Variants in RIF1 observed in about 807,000 individuals in gnomAD.
The protein encoded by RIF1 is telomere-associated protein RIF1.
In RIF1, 45 loss-of-function variants were observed where a neutral mutation model predicts 247.1. That is an observed-to-expected ratio of 0.18 (90% CI 0.14 to 0.23). The LOEUF is 0.23. RIF1 is among the 10% of genes least tolerant of loss of function. The probability of loss-of-function intolerance (pLI) is 1.00; values close to 1 mark genes in which losing one functional copy is unlikely to be tolerated. For missense variants in RIF1, 2,967 were observed against 2,862.5 expected (o/e 1.04, Z -0.83); for synonymous variants, 1,087 against 978.8 (o/e 1.11, Z -2.06).
At chr2:151,517,276 C>T in the RIF1 span, among the ~76,000 whole-genome samples, 6 of 152,280 alleles carry the variant, frequency 3.9e-5, no homozygotes, top group African/African-American at 1.2e-4. Context: ...GAAAAACAGG[C>T]GAAGACCCTC....
chr2:151,430,973 A>C (rs1174819101), intron 9 of RIF1, among the ~76,000 whole-genome samples: 1 of 152,184 alleles, frequency 6.6e-6, no homozygotes, highest in African/African-American at 2.4e-5. Flanking sequence ...TTTTAATTGA[A>C]ATTGTAGCTT....
chr2:151,454,723 A>G (rs1329986740), intron 21 of RIF1, among the ~76,000 whole-genome samples, 172 bp from the exon 22 acceptor site: 1 of 152,144 alleles, frequency 6.6e-6, no homozygotes, highest in African/African-American at 2.4e-5. Context: ...TTCTAGTGAT[A>G]CTTATCCATT....
intron 20 of RIF1, among the ~76,000 whole-genome samples, chr2:151,447,272 G>A (rs1693480831): frequency 2.0e-5 from 3 of 152,182 alleles, no homozygotes; most frequent in African/African-American, 7.2e-5. Flanking sequence ...GGAAAGGACA[G>A]CTGTTGGGAA....
In RIF1 at chr2:151,446,480, C is replaced by G; in HGVS notation, c.2149C>G (p.Arg717Gly). Residue 717 changes from arginine to glycine, a missense_variant, in exon 20 of 36, where the codon CGT becomes GGT. This residue lies in a region of RIF1 where 76 missense variants were observed against 113.3 expected (regional missense o/e 0.67). Coordinates refer to ENST00000444746, the MANE Select transcript of RIF1 (RefSeq NM_018151.5). ...TWSELYRAFA[R>G]CAALVATAEE... ...GTCAGAATTATATAGAGCATTTGCT[C>G]GTTGTGCTGCTTTGGTGGCAACAGC... is the stretch of plus-strand genomic sequence containing the variant. 1 of 1,613,928 alleles carries G rather than the reference C, an allele frequency of 6.2e-7. No individual in the cohort carries two copies. Among genetic ancestry groups the G allele is most frequent in the Non-Finnish European group, 8.5e-7 (1 of 1,179,892 alleles).
intron 22 of RIF1, 118 bp downstream of exon 22, chr2:151,455,277 G>A (rs1331803581): frequency 4.5e-6 from 3 of 662,506 alleles, no homozygotes; most frequent in Admixed American, 3.5e-5. Flanking sequence ...TTTGTGGAGA[G>A]GATAATAAAC....
chr2:151,488,498 T>A (rs1368741940), intron 9 of RIF1, among the ~76,000 whole-genome samples: 2 of 147,816 alleles, frequency 1.4e-5, no homozygotes, highest in African/African-American at 2.5e-5. Flanking sequence ...AAAAAAAAAA[T>A]TAGCCTAGAA....
Position 151,463,578 on chromosome 2 carries a change from A to AAT in RIF1, c.4058_4059insAT (p.Asp1353GlufsTer22). 6.2e-7 allele frequency: 1 copy of AAT among 1,613,952 alleles called. No individual in the cohort carries two copies. The highest frequency in any genetic ancestry group is 8.5e-7 in the Non-Finnish European group (1 of 1,179,992). On this transcript the variant is annotated frameshift_variant, in exon 30 of 36. Transcript: ENST00000444746. LOFTEE classifies it high-confidence loss of function. ...CTTTCTGAATCTACAATGGAGCATG[A>AAT]CAATACAAAGCTTAAAGCAGCAACA...
rs1398450796 is a variant in RIF1 at position 151,463,589 on chromosome 2, C to T, written c.4069C>T (p.Leu1357Phe). ...TACAATGGAGCATGACAATACAAAG[C>T]TTAAAGCAGCAACAGTGGAAAATGC... ...ESTMEHDNTK[L>F]KAATVENAVL... The change falls in exon 30 of 36, where the codon CTT (leucine) becomes TTT (phenylalanine). Residue 1357 changes from leucine (L) to phenylalanine (F), a missense_variant. Physicochemically the swap from Leu to Phe is conservative, Grantham distance 22 (BLOSUM62 0). This residue lies in a region of RIF1 where 2,028 missense variants were observed against 1,825.6 expected (regional missense o/e 1.11). Coordinates refer to ENST00000444746, the MANE Select transcript of RIF1 (RefSeq NM_018151.5). 4.3e-6 allele frequency: 7 copies of T among 1,613,622 alleles called. No homozygotes were observed. The highest frequency in any genetic ancestry group is 1.1e-5 in the South Asian group (1 of 91,074).
intron 13 of RIF1, among the ~76,000 whole-genome samples, chr2:151,506,741 CTG>C (rs199505117): frequency 0.014 from 2,085 of 152,262 alleles, 32 homozygotes; most frequent in Non-Finnish European, 0.019. Flanking sequence ...CAAATGGTCT[CTG>C]GAGATGATTT....
intron 9 of RIF1, chr2:151,492,222 A>C: frequency 6.2e-7 from 1 of 1,613,892 alleles, no homozygotes; most frequent in Non-Finnish European, 8.5e-7. Flanking sequence ...CAGTGATAGG[A>C]TCTGTCACCA....
intron 6 of RIF1, among the ~76,000 whole-genome samples, chr2:151,418,763 A>G (rs1056610272): frequency 2.0e-5 from 3 of 151,946 alleles, no homozygotes; most frequent in African/African-American, 7.2e-5. Context: ...AATCTCAGCT[A>G]TATGGGAGAC....
chr2:151,412,323 T>C (rs1573829087), intron 3 of RIF1, among the ~76,000 whole-genome samples: 1 of 85,884 alleles, frequency 1.2e-5, no homozygotes, highest in South Asian at 3.2e-4. Context: ...GTTTTTATTA[T>C]GACCTTGTTC....
In RIF1 at chr2:151,507,991, T is replaced by G. The variant is rs190098609; in HGVS notation, c.*1290T>G. 9.4e-5 allele frequency: 149 copies of G among 1,582,424 alleles called. 2 individuals are homozygous for G. The African/African-American group carries it at 1.8e-3, about 19-fold the overall frequency. On this transcript the variant is annotated 3_prime_UTR_variant and NMD_transcript_variant, in exon 14 of 14. Coordinates refer to the RIF1 transcript ENST00000454583. ...GTGCCTGTGGGCTGTGCCTTACATT[T>G]AATAAAAACTTACAAGGCTGAAGTT...
At chr2:151,419,007 T>C (rs1419814046) in intron 6 of RIF1, among the ~76,000 whole-genome samples, 1 of 146,382 alleles carries the variant, frequency 6.8e-6, no homozygotes, top group Non-Finnish European at 1.5e-5. Flanking sequence ...TCATAACTTT[T>C]TGGTTAGCAA....
chr2:151,470,303 C>T, intron 34 of RIF1, among the ~76,000 whole-genome samples: 1 of 152,084 alleles, frequency 6.6e-6, no homozygotes, highest in Non-Finnish European at 1.5e-5. Flanking sequence ...TGCTGTAAAA[C>T]TATATAGAAA....
At chr2:151,421,896 G>A (rs532193557) in intron 7 of RIF1, among the ~76,000 whole-genome samples, 6 of 150,796 alleles carry the variant, frequency 4.0e-5, no homozygotes, top group Non-Finnish European at 8.9e-5. Context: ...GTGCAGTGGC[G>A]CAGTCTCAGC....
At chr2:151,411,012 C>G (rs1393463465) in intron 2 of RIF1, among the ~76,000 whole-genome samples, 1 of 152,116 alleles carries the variant, frequency 6.6e-6, no homozygotes, top group Non-Finnish European at 1.5e-5. Flanking sequence ...CCTGTTCTGT[C>G]TTTTTGGAGT....
intron 6 of RIF1, among the ~76,000 whole-genome samples, chr2:151,419,018 C>T (rs1687711354): frequency 8.4e-6 from 1 of 119,404 alleles, no homozygotes; most frequent in Non-Finnish European, 1.6e-5. Context: ...TGGTTAGCAA[C>T]ATAACACATC....
the RIF1 span, among the ~76,000 whole-genome samples, chr2:151,528,378 T>G: frequency 1.3e-5 from 2 of 152,150 alleles, no homozygotes; most frequent in Non-Finnish European, 2.9e-5. Flanking sequence ...TTTAATAAGG[T>G]TTTTTTCCCC....
Sources: allele counts gnomAD v4.1 joint callset (sites outside exome capture counted in the v4.1 genomes callset), GRCh38; gene constraint gnomAD v4.1.1; regional missense constraint gnomAD v4.1.1; transcripts MANE v1.5; gene names NCBI Gene and HGNC (gene_info 2026-07-23, HGNC 2026-07-21).